The following ZCCHC2 variants were observed in gnomAD, a reference collection of about 807,000 sequenced individuals.
ZCCHC2 encodes the protein zinc finger CCHC-type containing 2.
Under a neutral mutation model 103.6 loss-of-function variants are expected in ZCCHC2, and 39 were observed. The ratio of observed to expected loss-of-function variants is 0.38; its 90% CI spans 0.29 to 0.49. ZCCHC2 has a LOEUF of 0.49. Ranked by LOEUF, ZCCHC2 falls within the 20% of genes least tolerant of loss-of-function variation. The probability of loss-of-function intolerance (pLI) is 0.96; values close to 1 mark genes in which losing one functional copy is unlikely to be tolerated. For synonymous variants in ZCCHC2, 687 were observed against 608.9 expected, an observed-to-expected ratio of 1.13 and a Z score of -1.89; for missense variants, 1,483 against 1,491.0, an observed-to-expected ratio of 0.99 and a Z score of 0.09.
chr18:62,568,085 T>C (rs2145528124), intron 11 of ZCCHC2, among the ~76,000 whole-genome samples: 1 of 152,262 alleles, frequency 6.6e-6, no homozygotes, highest in South Asian at 2.1e-4. Context: ...GTAAAAGATT[T>C]AGAAGGTCTC....
intron 5 of ZCCHC2, 143 bp downstream of exon 5, chr18:62,550,603 A>G (rs1449237084): frequency 1.6e-6 from 1 of 620,494 alleles, no homozygotes. Flanking sequence ...TGTGCTATTT[A>G]GGTCTAGGCT....
chr18:62,524,765 A>T lies in ZCCHC2; in HGVS notation c.939+402A>T, dbSNP rs574109092. 2.0e-4 allele frequency: 37 copies of T among 187,826 alleles called. No homozygotes were observed. In the South Asian group the frequency reaches 6.1e-3, roughly 31 times the overall value. The allele number at this position is 187,826 out of a possible 1,614,324, so 11.6% of individuals were successfully genotyped here. A position where few individuals can be genotyped will look rare whatever the true frequency, so the allele number is the denominator to read the frequency against. On this transcript the variant is annotated intron_variant, in intron 1 of 13. Coordinates refer to ENST00000269499, the MANE Select transcript of ZCCHC2 (RefSeq NM_017742.6). The stretch of plus-strand genomic sequence containing the variant: ...AGGAACCTGTGTGAGAGCCAGCCGC[A>T]GTGAGCCCCAGGCAGCGCCGTCCTT...
chr18:62,539,657 C>G, intron 1 of ZCCHC2, 24 bp from the exon 2 acceptor site: 1 of 1,541,362 alleles, frequency 6.5e-7, no homozygotes, highest in Non-Finnish European at 8.8e-7. Context: ...TTTAAGTTAA[C>G]GTATCTCCCT....
chr18:62,529,199 A>G (rs1443957214), intron 1 of ZCCHC2, among the ~76,000 whole-genome samples: 5 of 151,340 alleles, frequency 3.3e-5, no homozygotes, highest in Admixed American at 2.6e-4. Context: ...TTTAAAAATG[A>G]CCAGTTCTAA....
chr18:62,541,547 C>G (rs574698665), intron 2 of ZCCHC2, among the ~76,000 whole-genome samples: 1 of 62,648 alleles, frequency 1.6e-5, no homozygotes, highest in African/African-American at 1.2e-4. Flanking sequence ...CTCCTGAATC[C>G]AACAGTGTAC....
chr18:62,574,452 TC>T lies in ZCCHC2; in HGVS notation c.2375del (p.Pro792LeufsTer24). The stretch of plus-strand genomic sequence containing the variant: ...GGAAAAGCACCTTGAGTTACTGGCT[TC>T]CCCTTTACCTATTCCATCAACCTTC... ...ESEKHLELLA[S>X]PLPIPSTFLP... On this transcript the variant is annotated frameshift_variant, in exon 13 of 14. Transcript: ENST00000269499. LOFTEE classifies it high-confidence loss of function. The T allele has an allele frequency of 6.2e-7, 1 of 1,613,976 alleles. No individual in the cohort carries two copies. The highest frequency in any genetic ancestry group is 8.5e-7 in the Non-Finnish European group (1 of 1,179,888).
At position 62,558,757 on chromosome 18, in the gene ZCCHC2, A is replaced by G. The variant is rs1026425502; in HGVS notation, c.1479A>G (p.Ser493=). The change falls in exon 7 of 14, where the codon TCA becomes TCG. Residue 493 remains serine (S), a synonymous_variant. Coordinates refer to ENST00000269499, the MANE Select transcript of ZCCHC2 (RefSeq NM_017742.6). ...EHLKEDSSEA[S]SQEEDVLQHA... ...TAAAAGAAGACAGCTCTGAAGCTTCAAGTCAAGAAGAAGGTAAAGGTAGAT... is the reference window on the plus strand; with the variant it reads ...TAAAAGAAGACAGCTCTGAAGCTTCGAGTCAAGAAGAAGGTAAAGGTAGAT... The G allele has an allele frequency of 1.3e-6, 2 of 1,543,634 alleles. No individual in the cohort carries two copies. The highest frequency in any genetic ancestry group is 1.7e-6 in the Non-Finnish European group (2 of 1,143,108).
In ZCCHC2 at chr18:62,574,168, T is replaced by G. The variant is rs763625292; in HGVS notation, c.2087T>G (p.Leu696Arg). The change falls in exon 13 of 14, where the codon CTA (leucine) becomes CGA (arginine). Residue 696 changes from leucine (L) to arginine (R), a missense_variant. By Grantham distance (102) the Leu-to-Arg change is moderately radical (BLOSUM62 -2). Around this residue, in one of 3 missense-constraint regions of ZCCHC2, gnomAD observed 884 missense variants for 907.5 expected, o/e 0.97. Transcript: ENST00000269499. ...TVKPPVQIAS[L>R]GNENGNLLED... is the part of the protein sequence containing the mutation. ...AAGCCACCTGTTCAAATTGCTTCAC[T>G]AGGAAATGAGAATGGAAACCTTTTA... 8 of 1,613,918 alleles carry G rather than the reference T, an allele frequency of 5.0e-6. No homozygotes were observed. The East Asian group carries it at 1.8e-4, about 36-fold the overall frequency.
chr18:62,526,717 C>T (rs1300574850), intron 1 of ZCCHC2, among the ~76,000 whole-genome samples: 1 of 152,114 alleles, frequency 6.6e-6, no homozygotes, highest in South Asian at 2.1e-4. Flanking sequence ...CGCGACCCGC[C>T]TTAGGGGCTC....
chr18:62,560,912 A>G (rs1383674990), intron 8 of ZCCHC2, among the ~76,000 whole-genome samples: 1 of 151,958 alleles, frequency 6.6e-6, no homozygotes, highest in African/African-American at 2.4e-5. Flanking sequence ...TGGCTACCCT[A>G]GAGATAATAT....
chr18:62,535,665 G>A (rs1914892643), intron 1 of ZCCHC2, among the ~76,000 whole-genome samples: 1 of 152,186 alleles, frequency 6.6e-6, no homozygotes, highest in Admixed American at 6.5e-5. Context: ...CAAGTGTCCA[G>A]GAGGCCCAGG....
At position 62,523,377 on chromosome 18, in the gene ZCCHC2, C is replaced by CGGGGGCG; in HGVS notation, c.-48_-47insGGGGGCG. On this transcript the variant is annotated 5_prime_UTR_variant, in exon 1 of 14. Transcript: ENST00000269499. Reference sequence around the variant, plus strand: ...CCTCGGCCCGTGCTCCACCTCGCGGCCCCTCCCGCCCGCCCCCGCTCGCAT... The same window carrying CGGGGGCG: ...CCTCGGCCCGTGCTCCACCTCGCGGCGGGGGCGCCCTCCCGCCCGCCCCCGCTCGCAT... The CGGGGGCG allele has an allele frequency of 8.7e-6, 2 of 230,574 alleles. No homozygotes were observed. The highest frequency in any genetic ancestry group is 1.4e-5 in the Non-Finnish European group (2 of 140,644). The allele number at this position is 230,574 out of a possible 1,614,324, so 14.3% of individuals were successfully genotyped here.
intron 1 of ZCCHC2, among the ~76,000 whole-genome samples, chr18:62,528,683 C>T (rs1359387979): frequency 6.6e-6 from 1 of 151,900 alleles, no homozygotes; most frequent in Non-Finnish European, 1.5e-5. Flanking sequence ...CTTTGATTAA[C>T]TTCGCAATAT....
rs1441172295 is a variant in ZCCHC2 at position 62,523,647 on chromosome 18, G to C, written c.223G>C (p.Ala75Pro). Residue 75 changes from alanine to proline, a missense_variant, in exon 1 of 14, where the codon GCG becomes CCG. By Grantham distance (27) the Ala-to-Pro change is conservative. Transcript: ENST00000269499. ...ACTCGGGCCGCCTGTTGCTGGTGGA[G>C]CGGCGGCGGGGGCGGGTATGCCGGG... is the stretch of plus-strand genomic sequence containing the variant. ...RGLGPPVAGG[A>P]AAGAGMPGGG... 7.7e-7 allele frequency: 1 copy of C among 1,296,954 alleles called. No individual in the cohort carries two copies. Among genetic ancestry groups the C allele is most frequent in the South Asian group, 2.3e-5 (1 of 43,156 alleles). 80.3% of individuals were successfully genotyped at this position (1,296,954 alleles called of 1,614,324 possible). A position where few individuals can be genotyped will look rare whatever the true frequency, so the allele number is the denominator to read the frequency against.
downstream of ZCCHC2, among the ~76,000 whole-genome samples, chr18:62,579,534 G>T (rs894418335): frequency 6.6e-6 from 1 of 152,154 alleles, no homozygotes. Context: ...AGTTTGAAAT[G>T]ATTATAAATT....
chr18:62,548,052 G>A (rs919852673), intron 4 of ZCCHC2, among the ~76,000 whole-genome samples: 1 of 152,202 alleles, frequency 6.6e-6, no homozygotes, highest in African/African-American at 2.4e-5. Context: ...ACAAGCATTA[G>A]ATTATCCGTT....
chr18:62,550,546 T>G (rs1187194231), intron 5 of ZCCHC2, 86 bp downstream of exon 5: 11 of 908,188 alleles, frequency 1.2e-5, no homozygotes, highest in Non-Finnish European at 1.9e-5. Context: ...GGGGGAATCA[T>G]AGAGATCCTT....
intron 5 of ZCCHC2, among the ~76,000 whole-genome samples, chr18:62,553,229 TA>T (rs1284934893): frequency 3.3e-5 from 5 of 151,148 alleles, no homozygotes; most frequent in Non-Finnish European, 5.9e-5. Context: ...CAAATGGAAG[TA>T]TTTTATACAT....
downstream of ZCCHC2, among the ~76,000 whole-genome samples, chr18:62,580,334 C>T (rs546083721): frequency 2.0e-5 from 3 of 152,300 alleles, no homozygotes; most frequent in South Asian, 2.1e-4. Context: ...GTCCCTGGTT[C>T]GTGTGTACAC....
Sources: allele counts gnomAD v4.1 joint callset (sites outside exome capture counted in the v4.1 genomes callset), GRCh38; gene constraint gnomAD v4.1.1; regional missense constraint gnomAD v4.1.1; transcripts MANE v1.5; gene names NCBI Gene and HGNC (gene_info 2026-07-23, HGNC 2026-07-21).